The following RYR3 variants were observed in gnomAD, a reference collection of about 807,000 sequenced individuals.
RYR3 encodes the protein brain ryanodine receptor-calcium release channel.
In RYR3, 207 loss-of-function variants were observed where a neutral mutation model predicts 584.3. The ratio of observed to expected loss-of-function variants is 0.35; its 90% CI spans 0.32 to 0.40. The LOEUF (loss-of-function observed/expected upper bound fraction) is 0.40, where lower values mean the gene tolerates loss of function less well. RYR3 is among the 10% of genes least tolerant of loss of function. RYR3 has a pLI of 1.00. For synonymous variants in RYR3, 2,416 were observed against 2,248.5 expected (o/e 1.07, Z -2.11); for missense variants, 5,616 against 6,089.2 (o/e 0.92, Z 2.59).
chr15:33,596,969 A>G (rs2059408682), intron 16 of RYR3, among the ~76,000 whole-genome samples: 1 of 152,134 alleles, frequency 6.6e-6, no homozygotes. Flanking sequence ...GCTTTGAAAT[A>G]GACAATAACA....
chr15:33,754,626 A>C (rs2071637020), intron 57 of RYR3, among the ~76,000 whole-genome samples: 1 of 152,206 alleles, frequency 6.6e-6, no homozygotes, highest in African/African-American at 2.4e-5. Context: ...TACCTTTAAA[A>C]TATACCCAGA....
At chr15:33,640,287 G>A (rs1242695932) in intron 27 of RYR3, among the ~76,000 whole-genome samples, 2 of 152,244 alleles carry the variant, frequency 1.3e-5, no homozygotes, top group African/African-American at 2.4e-5. Context: ...GAAAGCGGCT[G>A]TGGCAGGGGA....
At chr15:33,422,352 C>T (rs549471319) in intron 1 of RYR3, among the ~76,000 whole-genome samples, 5 of 152,236 alleles carry the variant, frequency 3.3e-5, no homozygotes, top group African/African-American at 4.8e-5. Context: ...TAGTCTCTTG[C>T]TCATTTATTT....
At chr15:33,766,840 T>C (rs1028155917) in intron 60 of RYR3, among the ~76,000 whole-genome samples, 1 of 152,240 alleles carries the variant, frequency 6.6e-6, no homozygotes, top group Admixed American at 6.5e-5. Flanking sequence ...TCATTTATTG[T>C]CTTCAAACTC....
chr15:33,333,591 A>G (rs1422718352), intron 1 of RYR3, among the ~76,000 whole-genome samples: 1 of 152,238 alleles, frequency 6.6e-6, no homozygotes, highest in Admixed American at 6.5e-5. Context: ...CCAACATCAT[A>G]CTGAAGGGCA....
intron 1 of RYR3, among the ~76,000 whole-genome samples, chr15:33,434,321 G>T (rs529478360): frequency 2.0e-5 from 3 of 152,040 alleles, no homozygotes; most frequent in Admixed American, 6.6e-5. Context: ...AATCACCTCC[G>T]TTGTCTTGGT....
chr15:33,338,210 G>T (rs943977373), intron 1 of RYR3, among the ~76,000 whole-genome samples: 3 of 152,216 alleles, frequency 2.0e-5, no homozygotes, highest in East Asian at 1.9e-4. Context: ...CTCCCAAAGT[G>T]CTGGGATTAC....
At chr15:33,860,710 G>A in intron 101 of RYR3, 51 bp downstream of exon 101, 1 of 1,311,844 alleles carries the variant, frequency 7.6e-7, no homozygotes, top group Non-Finnish European at 1.1e-6. Flanking sequence ...ATCCCCAGAA[G>A]CAAATAGATT....
At chr15:33,833,035 C>T (rs1431206958) in intron 86 of RYR3, among the ~76,000 whole-genome samples, 1 of 150,802 alleles carries the variant, frequency 6.6e-6, no homozygotes, top group African/African-American at 2.4e-5. Flanking sequence ...CCAAAGGGCT[C>T]CGAGTCTCCA....
chr15:33,315,189 G>A lies in RYR3; in HGVS notation c.51+4093G>A, dbSNP rs145220883. Among the ~76,000 whole-genome samples the A allele has an allele frequency of 3.0e-4, 46 of 152,278 alleles. 1 individual carries two copies. In the East Asian group the frequency reaches 7.6e-3, roughly 25 times the overall value. The stretch of plus-strand genomic sequence containing the variant: ...CAGGACAAATTCCTGAATTTGAGCT[G>A]CAGCGCTCACGTGAGCTCATGTCTC... On this transcript the variant is annotated intron_variant, in intron 1 of 103. Transcript: ENST00000634891.
intron 1 of RYR3, chr15:33,467,516 A>C (rs2048586448): frequency 1.0e-6 from 1 of 979,736 alleles, no homozygotes; most frequent in African/African-American, 1.8e-5. Context: ...GTAAGGATAA[A>C]ATAGGCAAGA....
intron 18 of RYR3, among the ~76,000 whole-genome samples, chr15:33,606,590 C>T (rs1353611490): frequency 6.6e-6 from 1 of 152,146 alleles, no homozygotes; most frequent in African/African-American, 2.4e-5. Context: ...GAACATCTGC[C>T]TCCTCAACTC....
chr15:33,773,608 G>A lies in RYR3; in HGVS notation c.9130G>A (p.Val3044Ile). 1 of 1,600,342 alleles carries A rather than the reference G, an allele frequency of 6.2e-7. No homozygotes were observed. The highest frequency in any genetic ancestry group is 8.5e-7 in the Non-Finnish European group (1 of 1,171,188). ...YSLGTGKNIY[V>I]ERQRPALGEC... ...CCTTGGGACGGGAAAGAACATTTAT[G>A]TTGAAAGGTAATTAGTGAACGAAGA... Residue 3044 changes from valine to isoleucine, a missense_variant, in exon 64 of 104, where the codon GTT becomes ATT. Val to Ile is a conservative substitution (Grantham distance 29). This residue lies in a region of RYR3 where 954 missense variants were observed against 1,132.2 expected (regional missense o/e 0.84). Transcript: ENST00000634891.
At chr15:33,699,944 T>C (rs2066179110) in intron 41 of RYR3, 111 bp downstream of exon 41, 1 of 1,065,074 alleles carries the variant, frequency 9.4e-7, no homozygotes, top group Non-Finnish European at 1.4e-6. Context: ...GTGATATTTG[T>C]AAATACTAGA....
intron 1 of RYR3, among the ~76,000 whole-genome samples, chr15:33,465,959 T>G (rs2048454911): frequency 6.6e-6 from 1 of 152,130 alleles, no homozygotes; most frequent in Admixed American, 6.5e-5. Context: ...GCCAATGTTC[T>G]GAAATAAAGA....
intron 10 of RYR3, among the ~76,000 whole-genome samples, chr15:33,557,327 C>T (rs3829474): frequency 0.19 from 28,752 of 152,168 alleles, 3,002 homozygotes; most frequent in Admixed American, 0.29. Context: ...AAGTACTTAG[C>T]GCAATACCTA....
In RYR3 at chr15:33,865,115, GTTCATA is replaced by G. The variant is rs1567374083; in HGVS notation, c.14518-13_14518-8del. 3 of 1,598,852 alleles carry G rather than the reference GTTCATA, an allele frequency of 1.9e-6. No homozygotes were observed. Among genetic ancestry groups the G allele is most frequent in the Non-Finnish European group, 2.6e-6 (3 of 1,167,202 alleles). On this transcript the variant is annotated splice_polypyrimidine_tract_variant and intron_variant, in intron 103 of 103. Transcript: ENST00000634891. ...TGTGGTTTAAAAATAAGCACCCGTT[GTTCATA>G]TTATTTCAGGAATCTTATGTCTGGA...
intron 1 of RYR3, among the ~76,000 whole-genome samples, chr15:33,339,582 A>G (rs757069660): frequency 1.3e-5 from 2 of 152,186 alleles, no homozygotes; most frequent in African/African-American, 2.4e-5. Context: ...AGCTGGCATA[A>G]CTAGAAGGTT....
chr15:33,794,746 T>C (rs907926826), intron 67 of RYR3, among the ~76,000 whole-genome samples: 2 of 152,180 alleles, frequency 1.3e-5, no homozygotes, highest in Admixed American at 1.3e-4. Flanking sequence ...AAATACAGGC[T>C]TCCAACATGA....
Sources: gnomAD v4.1 joint callset for allele counts (sites outside exome capture counted in the v4.1 genomes callset) on GRCh38, gnomAD v4.1.1 for gene constraint, gnomAD v4.1.1 regional missense constraint, MANE v1.5 for transcripts, NCBI Gene and HGNC (gene_info 2026-07-23, HGNC 2026-07-21) for gene names.